Variants in PROS1 observed in about 807,000 individuals in gnomAD.
PROS1 encodes the protein protein S.
PROS1 carries 29 observed loss-of-function variants against 75.9 expected under a neutral mutation model. That is an observed-to-expected ratio of 0.38 (90% CI 0.28 to 0.52). The LOEUF (loss-of-function observed/expected upper bound fraction) is 0.52, where lower values mean the gene tolerates loss of function less well. Ranked by LOEUF, PROS1 falls within the 20% of genes least tolerant of loss-of-function variation. PROS1 has a pLI of 0.83. For missense variants in PROS1, 680 were observed against 810.3 expected (o/e 0.84, Z 1.95); for synonymous variants, 245 against 280.6 (o/e 0.87, Z 1.27).
intron 3 of PROS1, 71 bp from the exon 4 acceptor site, chr3:93,910,776 T>C: frequency 7.8e-7 from 1 of 1,280,912 alleles, no homozygotes; most frequent in Non-Finnish European, 1.1e-6. Flanking sequence ...TGGTAGGAAC[T>C]GTCCCAAGAG....
chr3:93,881,362 G>A (rs1708273141), intron 12 of PROS1, among the ~76,000 whole-genome samples: 1 of 151,978 alleles, frequency 6.6e-6, no homozygotes, highest in East Asian at 1.9e-4. Context: ...GACTACGAAA[G>A]ATGGGAGGGT....
chr3:93,945,685 A>G (rs1038054101), intron 1 of PROS1, among the ~76,000 whole-genome samples: 2 of 152,128 alleles, frequency 1.3e-5, no homozygotes, highest in Admixed American at 1.3e-4. Context: ...TATTTATGAC[A>G]AACCCACAGC....
rs764350708 is a variant in PROS1 at position 93,874,356 on chromosome 3, C to T, written c.1920G>A (p.Met640Ile). ...ACTGTACACCATTAATATTCACTTC[C>T]ATGCAGCCATTATAAAAGGCATTCA... Reference protein sequence around the residue: ...TPVNAFYNGCMEVNINGVQLD... With the variant: ...TPVNAFYNGCIEVNINGVQLD... The change falls in exon 15 of 15, where the codon ATG becomes ATA. Residue 640 changes from methionine (M) to isoleucine (I), a missense_variant. By Grantham distance (10) the Met-to-Ile change is conservative. Coordinates refer to ENST00000394236, the MANE Select transcript of PROS1 (RefSeq NM_000313.4). 6.2e-6 allele frequency: 10 copies of T among 1,613,384 alleles called. No homozygotes were observed. In the East Asian group the frequency reaches 6.7e-5, roughly 11 times the overall value.
intron 1 of PROS1, among the ~76,000 whole-genome samples, chr3:93,953,107 A>C (rs1352720355): frequency 6.6e-6 from 1 of 152,212 alleles, no homozygotes; most frequent in Non-Finnish European, 1.5e-5. Context: ...AACCAAAAAA[A>C]GACCAGAACC....
intron 1 of PROS1, among the ~76,000 whole-genome samples, chr3:93,964,214 G>A (rs1183044253): frequency 3.9e-5 from 6 of 152,138 alleles, no homozygotes; most frequent in African/African-American, 1.2e-4. Flanking sequence ...AGTGATTTTA[G>A]GGAACAAGGG....
chr3:93,898,621 A>T, intron 7 of PROS1, 52 bp from the exon 8 acceptor site: 1 of 1,592,904 alleles, frequency 6.3e-7, no homozygotes, highest in Non-Finnish European at 8.6e-7. Flanking sequence ...CTAAATGTTC[A>T]ATCTTATAGG....
At chr3:93,910,557 T>C (rs1708744521) in intron 4 of PROS1, 62 bp downstream of exon 4, 2 of 1,318,994 alleles carry the variant, frequency 1.5e-6, no homozygotes, top group Non-Finnish European at 1.1e-6. Flanking sequence ...TATATTACCA[T>C]GGGTGTACTT....
chr3:93,956,840 A>G (rs1709611151), intron 1 of PROS1, among the ~76,000 whole-genome samples: 1 of 152,168 alleles, frequency 6.6e-6, no homozygotes, highest in Non-Finnish European at 1.5e-5. Flanking sequence ...GTTAATGTCC[A>G]ACTTTGGCAA....
In PROS1 at chr3:93,876,996, T is replaced by G. The variant is rs761946767; in HGVS notation, c.1840A>C (p.Lys614Gln). 2 of 1,612,626 alleles carry G rather than the reference T, an allele frequency of 1.2e-6. No individual in the cohort carries two copies. Among genetic ancestry groups the G allele is most frequent in the African/African-American group, 2.7e-5 (2 of 74,926 alleles). Reference protein sequence around the residue: ...LAVLDKAMKAKVATYLGGLPD... With the variant: ...LAVLDKAMKAQVATYLGGLPD... ...AGGCCACCCAGGTATGTGGCCACTT[T>G]TGCTTTCATTGCTTTGTCCAAGACG... Residue 614 changes from lysine (K) to glutamine (Q), a missense_variant, in exon 14 of 15, where the codon AAA becomes CAA. By Grantham distance (53) the Lys-to-Gln change is moderately conservative. Transcript: ENST00000394236.
chr3:93,901,267 T>A (rs1387680832), intron 6 of PROS1, among the ~76,000 whole-genome samples: 1 of 152,214 alleles, frequency 6.6e-6, no homozygotes, highest in Non-Finnish European at 1.5e-5. Context: ...ATCACAAGTA[T>A]TTTTTGTACA....
At position 93,928,776 on chromosome 3, in the gene PROS1, T is replaced by A. The variant is rs747426570; in HGVS notation, c.77-1369A>T. ...AATGCATGCACGGTTGTATATAAAA[T>A]CATTTCTAAAATATAAACAAACTAT... On this transcript the variant is annotated intron_variant, in intron 1 of 14. Coordinates refer to ENST00000394236, the MANE Select transcript of PROS1 (RefSeq NM_000313.4). 3.9e-6 allele frequency: 5 copies of A among 1,284,204 alleles called. No individual in the cohort carries two copies. The South Asian group carries it at 6.3e-5, about 16-fold the overall frequency. 79.6% of individuals were successfully genotyped at this position (1,284,204 alleles called of 1,614,324 possible).
At chr3:93,881,673 C>G (rs1313572470) in intron 12 of PROS1, among the ~76,000 whole-genome samples, 1 of 150,948 alleles carries the variant, frequency 6.6e-6, no homozygotes, top group African/African-American at 2.4e-5. Context: ...CATCCTCACA[C>G]CTCAGCCTCC....
At chr3:93,900,757 C>T in intron 7 of PROS1, 47 bp downstream of exon 7, 2 of 1,610,194 alleles carry the variant, frequency 1.2e-6, no homozygotes, top group Non-Finnish European at 1.7e-6. Context: ...GTTCAGGGTT[C>T]ACACCCACCC....
intron 9 of PROS1, 23 bp from the exon 10 acceptor site, chr3:93,893,145 T>A: frequency 6.3e-7 from 1 of 1,584,650 alleles, no homozygotes; most frequent in South Asian, 1.1e-5. Context: ...CAAAGAGAGA[T>A]CCTTAAGAGT....
chr3:93,910,755 A>T (rs751796046), intron 3 of PROS1, 50 bp from the exon 4 acceptor site: 1 of 1,436,212 alleles, frequency 7.0e-7, no homozygotes, highest in South Asian at 1.2e-5. Flanking sequence ...CACATACTTG[A>T]TCTGAATTCA....
At chr3:93,920,559 T>A (rs944056567) in intron 3 of PROS1, among the ~76,000 whole-genome samples, 1 of 152,190 alleles carries the variant, frequency 6.6e-6, no homozygotes, top group Non-Finnish European at 1.5e-5. Flanking sequence ...ATATTTTGTC[T>A]ATGGATTCTA....
chr3:93,925,791 C>G (rs1350693773), intron 2 of PROS1, among the ~76,000 whole-genome samples: 1 of 144,014 alleles, frequency 6.9e-6, no homozygotes, highest in African/African-American at 2.6e-5. Context: ...CCACTGCACT[C>G]TAGCCTGGGC....
At chr3:93,909,331 C>G (rs575816306) in intron 4 of PROS1, among the ~76,000 whole-genome samples, 1 of 148,312 alleles carries the variant, frequency 6.7e-6, no homozygotes, top group Non-Finnish European at 1.5e-5. Context: ...GCTACTCAGG[C>G]GGCTGAGGCA....
rs1433941998 is a variant in PROS1 at position 93,891,115 on chromosome 3, A to G, written c.1155+1818T>C. On this transcript the variant is annotated intron_variant, in intron 10 of 14. Coordinates refer to ENST00000394236, the MANE Select transcript of PROS1 (RefSeq NM_000313.4). ...ACTCCGTCTCAAAATAATAGTAATAATAGTGATGATAAATAAATAAATAAC... is the reference window on the plus strand; with the variant it reads ...ACTCCGTCTCAAAATAATAGTAATAGTAGTGATGATAAATAAATAAATAAC... 2.0e-5 allele frequency among the ~76,000 whole-genome samples: 3 copies of G among 152,048 alleles called. No individual in the cohort carries two copies. In the East Asian group the frequency reaches 5.8e-4, roughly 29 times the overall value.
Sources: gnomAD v4.1 joint callset for allele counts (sites outside exome capture counted in the v4.1 genomes callset) on GRCh38, gnomAD v4.1.1 for gene constraint, MANE v1.5 for transcripts, NCBI Gene and HGNC (gene_info 2026-07-23, HGNC 2026-07-21) for gene names.